CA12: variants seen among roughly 807,000 people sequenced by gnomAD.
CA12 encodes carbonic anhydrase 12.
CA12 carries 36 observed loss-of-function variants against 46.8 expected under a neutral mutation model. The ratio of observed to expected loss-of-function variants is 0.77; its 90% confidence interval spans 0.59 to 1.02. The LOEUF (loss-of-function observed/expected upper bound fraction) is 1.02. Ranked by LOEUF, CA12 falls within the 50% of genes least tolerant of loss-of-function variation. The probability of loss-of-function intolerance (pLI) is 0.00; values close to 1 mark genes in which losing one functional copy is unlikely to be tolerated. For synonymous variants in CA12, 202 were observed against 187.0 expected (o/e 1.08, Z -0.65); for missense variants, 436 against 451.4 (o/e 0.97, Z 0.31).
Position 63,326,036 on chromosome 15 carries a change from C to G in CA12, c.*249G>C, listed in dbSNP as rs772389347. On this transcript the variant is annotated 3_prime_UTR_variant, in exon 11 of 11. Transcript: ENST00000178638. ...ATTCAGACCACTTCACAATCTCACA[C>G]AGTTACAGCAAGCAGCTTTGAATTC... 15 of 530,430 alleles carry G rather than the reference C, an allele frequency of 2.8e-5. No individual in the cohort carries two copies. The highest frequency in any genetic ancestry group is 5.1e-5 in the Non-Finnish European group (15 of 291,382). The allele number at this position is 530,430 out of a possible 1,614,324, so 32.9% of individuals were successfully genotyped here. A position where few individuals can be genotyped will look rare whatever the true frequency, so the allele number is the denominator to read the frequency against.
At chr15:63,336,761 G>A (rs1393480245) in intron 8 of CA12, among the ~76,000 whole-genome samples, 1 of 151,994 alleles carries the variant, frequency 6.6e-6, no homozygotes, top group Non-Finnish European at 1.5e-5. Flanking sequence ...CTGCAGCCAG[G>A]AGGAAGCAAA....
Position 63,341,940 on chromosome 15 carries a change from G to A in CA12, c.525+62C>T, listed in dbSNP as rs548583006. 1.7e-6 allele frequency: 2 copies of A among 1,163,424 alleles called. No homozygotes were observed. Among genetic ancestry groups the A allele is most frequent in the Admixed American group, 1.7e-5 (1 of 57,390 alleles). The allele number at this position is 1,163,424 out of a possible 1,614,324, so 72.1% of individuals were successfully genotyped here. ...TCAACAGGTATGCATGGAACAAAAGGTGGAATCCCAATCTCATCCCTGCTT... is the reference window on the plus strand; with the variant it reads ...TCAACAGGTATGCATGGAACAAAAGATGGAATCCCAATCTCATCCCTGCTT... On this transcript the variant is annotated intron_variant, in intron 5 of 10. Coordinates refer to ENST00000178638, the MANE Select transcript of CA12 (RefSeq NM_001218.5). The surrounding 1 kb of genome is among the most constrained non-coding windows in gnomAD (Gnocchi z 5.2).
At chr15:63,363,953 C>G (rs757595522) in intron 2 of CA12, among the ~76,000 whole-genome samples, 3 of 151,916 alleles carry the variant, frequency 2.0e-5, no homozygotes, top group Non-Finnish European at 4.4e-5. Context: ...TTTGGGAGGC[C>G]GAGGAGGGCG....
At chr15:63,336,860 G>A (rs1298597560) in intron 8 of CA12, among the ~76,000 whole-genome samples, 3 of 152,278 alleles carry the variant, frequency 2.0e-5, no homozygotes, top group Non-Finnish European at 2.9e-5. Context: ...AGAGAACAGA[G>A]CCGGCAATGG....
chr15:63,337,336 A>G (rs751226136), intron 8 of CA12, among the ~76,000 whole-genome samples: 2 of 152,228 alleles, frequency 1.3e-5, no homozygotes, highest in South Asian at 2.1e-4. Context: ...CATATGTTCA[A>G]CTAAGTTTAG....
At chr15:63,362,459 G>C (rs2039375249) in intron 2 of CA12, among the ~76,000 whole-genome samples, 1 of 152,202 alleles carries the variant, frequency 6.6e-6, no homozygotes, top group African/African-American at 2.4e-5. Context: ...CCAGGCAGTA[G>C]CAACGGCTAT....
intron 2 of CA12, among the ~76,000 whole-genome samples, chr15:63,347,699 T>C (rs531549744): frequency 8.5e-4 from 130 of 152,296 alleles, no homozygotes; most frequent in Non-Finnish European, 1.2e-3. Flanking sequence ...TAAAAGATTA[T>C]CTCCACGGTA....
chr15:63,346,384 G>C (rs1595781840), intron 3 of CA12, 146 bp downstream of exon 3: 1 of 748,620 alleles, frequency 1.3e-6, no homozygotes, highest in East Asian at 2.7e-5. Context: ...AGTGCTCCTG[G>C]AATCTCTCAA....
Position 63,326,342 on chromosome 15 carries a change from A to G in CA12, c.1008T>C (p.Asp336=), listed in dbSNP as rs200177572. ...LFRRKSIKKG[D]NKGVIYKPAT... Reference sequence around the variant, plus strand: ...CTGGCTTGTAAATGACTCCCTTGTTATCACCTTTTTTGATACTAGAACAGA... The same window carrying G: ...CTGGCTTGTAAATGACTCCCTTGTTGTCACCTTTTTTGATACTAGAACAGA... Residue 336 remains aspartate (D), a synonymous_variant, in exon 11 of 11, where the codon GAT becomes GAC. Coordinates refer to ENST00000178638, the MANE Select transcript of CA12 (RefSeq NM_001218.5). 16 of 1,613,750 alleles carry G rather than the reference A, an allele frequency of 9.9e-6. No individual in the cohort carries two copies. The Admixed American group carries it at 1.2e-4, about 12-fold the overall frequency.
Position 63,345,892 on chromosome 15 carries a change from C to G in CA12, c.287-273G>C, listed in dbSNP as rs1265846260. Among the ~76,000 whole-genome samples the G allele has an allele frequency of 1.3e-5, 2 of 152,362 alleles. No individual in the cohort carries two copies. Among genetic ancestry groups the G allele is most frequent in the East Asian group, 3.9e-4 (2 of 5,194 alleles). On this transcript the variant is annotated intron_variant, in intron 3 of 10. Transcript: ENST00000178638. This position sits in a 1 kb window ranked among gnomAD's most constrained non-coding sequence, Gnocchi z 4.3. ...GAAAGTGATGCCAGAAACGCTAACA[C>G]TAGACCAACGGATGGGTGTTTATTT...
chr15:63,339,535 C>T lies in CA12; in HGVS notation c.748-590G>A, dbSNP rs1405340978. Among the ~76,000 whole-genome samples, 1 of 152,346 alleles carries T rather than the reference C, an allele frequency of 6.6e-6. No individual in the cohort carries two copies. Among genetic ancestry groups the T allele is most frequent in the East Asian group, 1.9e-4 (1 of 5,188 alleles). Reference sequence around the variant, plus strand: ...TTCATCATGTCCTCATTCCTGTCCACCCACCTGCTGCCATTTACCAGGTGA... The same window carrying T: ...TTCATCATGTCCTCATTCCTGTCCATCCACCTGCTGCCATTTACCAGGTGA... On this transcript the variant is annotated intron_variant, in intron 7 of 10. Transcript: ENST00000178638. The surrounding 1 kb of genome is among the most constrained non-coding windows in gnomAD (Gnocchi z 4.3).
rs1233660769 is a variant in CA12, at chr15:63,340,338, T to G, written c.697A>C (p.Thr233Pro). Residue 233 changes from threonine (T) to proline (P), a missense_variant, in exon 7 of 11, where the codon ACT becomes CCT. Physicochemically the swap from Thr to Pro is conservative, Grantham distance 38. Transcript: ENST00000178638. The surrounding 1 kb of genome is among the most constrained non-coding windows in gnomAD (Gnocchi z 4.4). ...TTTCGGAAAACTGTCCAGAGCACAG[T>G]GGGGTTGCAAGGGGGTGTGGTCAGG... The part of the protein sequence containing the change: ...GSLTTPPCNP[T>P]VLWTVFRNPV... 1 of 1,613,962 alleles carries G rather than the reference T, an allele frequency of 6.2e-7. No homozygotes were observed. The highest frequency in any genetic ancestry group is 2.2e-5 in the East Asian group (1 of 44,878).
intron 8 of CA12, among the ~76,000 whole-genome samples, chr15:63,333,646 C>G (rs2038963338): frequency 6.6e-6 from 1 of 152,216 alleles, no homozygotes; most frequent in Non-Finnish European, 1.5e-5. Flanking sequence ...CACATGCATT[C>G]TAGCCTCAAA....
At position 63,328,257 on chromosome 15, in the gene CA12, C is replaced by G; in HGVS notation, c.875-127G>C. Reference sequence around the variant, plus strand: ...TGACAGACCTCTAGGGATGTCCACCCTTGGCTCAGGGATTGCCTGATGAAG... The same window carrying G: ...TGACAGACCTCTAGGGATGTCCACCGTTGGCTCAGGGATTGCCTGATGAAG... On this transcript the variant is annotated intron_variant, in intron 8 of 10. Coordinates refer to ENST00000178638, the MANE Select transcript of CA12 (RefSeq NM_001218.5). This position sits in a 1 kb window ranked among gnomAD's most constrained non-coding sequence, Gnocchi z 5.9. 1.2e-6 allele frequency: 1 copy of G among 837,234 alleles called. No individual in the cohort carries two copies. Among genetic ancestry groups the G allele is most frequent in the Non-Finnish European group, 2.0e-6 (1 of 494,208 alleles). The allele number at this position is 837,234 out of a possible 1,614,324, so 51.9% of individuals were successfully genotyped here.
At chr15:63,369,293 A>T (rs1450441351) in intron 2 of CA12, among the ~76,000 whole-genome samples, 1 of 152,246 alleles carries the variant, frequency 6.6e-6, no homozygotes, top group African/African-American at 2.4e-5. Context: ...TAGAGCTCTC[A>T]TGCGTTTGGT....
At position 63,380,228 on chromosome 15, in the gene CA12, A is replaced by T. The variant is rs75412582; in HGVS notation, c.85+1408T>A. Among the ~76,000 whole-genome samples, 434 of 152,244 alleles carry T rather than the reference A, an allele frequency of 2.9e-3. 1 individual carries two copies. The highest frequency in any genetic ancestry group is 9.8e-3 in the African/African-American group (409 of 41,548). ...TTTGACTACAAACTTCCCCAGTCCC[A>T]ACTTGGAGAATTGGGAGAGGAGATA... On this transcript the variant is annotated intron_variant, in intron 1 of 10. Transcript: ENST00000178638.
chr15:63,370,582 G>A (rs929169776), intron 2 of CA12, among the ~76,000 whole-genome samples: 2 of 152,078 alleles, frequency 1.3e-5, no homozygotes, highest in African/African-American at 4.8e-5. Flanking sequence ...AGACCAGCCT[G>A]GTCAACATGG....
At position 63,381,814 on chromosome 15, in the gene CA12, G is replaced by A; in HGVS notation, c.-94C>T. 1 of 811,888 alleles carries A rather than the reference G, an allele frequency of 1.2e-6. No individual in the cohort carries two copies. Among genetic ancestry groups the A allele is most frequent in the African/African-American group, 1.8e-5 (1 of 54,372 alleles). 50.3% of individuals were successfully genotyped at this position (811,888 alleles called of 1,614,324 possible). The stretch of plus-strand genomic sequence containing the variant: ...TGCACACCGGGACCGCGTGCGCGCA[G>A]CCTGGGTGCCGTGGCGAGTACGTCC... On this transcript the variant is annotated 5_prime_UTR_variant, in exon 1 of 11. Coordinates refer to ENST00000178638, the MANE Select transcript of CA12 (RefSeq NM_001218.5).
chr15:63,357,103 AC>A (rs2039304541), intron 2 of CA12, among the ~76,000 whole-genome samples: 1 of 152,134 alleles, frequency 6.6e-6, no homozygotes, highest in South Asian at 2.1e-4. Context: ...TTTTCACGGC[AC>A]CCTTTATGGA....
Sources: allele counts gnomAD v4.1 joint callset (sites outside exome capture counted in the v4.1 genomes callset), GRCh38; gene constraint gnomAD v4.1.1; non-coding constraint Gnocchi (gnomAD v3.1); transcripts MANE v1.5; gene names NCBI Gene and HGNC (gene_info 2026-07-23, HGNC 2026-07-21).